MAPKAP1: variants seen among roughly 807,000 people sequenced by gnomAD.
MAPKAP1 encodes the protein MAPK associated protein 1, also known as target of rapamycin complex 2 subunit MAPKAP1.
MAPKAP1 carries 20 observed loss-of-function variants against 65.7 expected under a neutral mutation model. The observed-to-expected ratio is 0.30, with a 90% CI of 0.21 to 0.44. The LOEUF (loss-of-function observed/expected upper bound fraction) is 0.44. MAPKAP1 is among the 20% of genes least tolerant of loss of function. The pLI, the probability that MAPKAP1 is intolerant of heterozygous loss-of-function variation, is 1.00. For missense variants in MAPKAP1, 423 were observed against 648.0 expected (o/e 0.65, Z 3.77); for synonymous variants, 222 against 244.3 (o/e 0.91, Z 0.85).
intron 9 of MAPKAP1, among the ~76,000 whole-genome samples, chr9:125,476,366 G>A (rs1253544033): frequency 2.6e-5 from 4 of 152,058 alleles, no homozygotes; most frequent in Admixed American, 1.3e-4. Flanking sequence ...ATTACTGAAC[G>A]GACCCAGGGA....
chr9:125,518,404 T>A (rs748597167), intron 7 of MAPKAP1, among the ~76,000 whole-genome samples: 1 of 152,062 alleles, frequency 6.6e-6, no homozygotes, highest in Non-Finnish European at 1.5e-5. Flanking sequence ...ACATCTGTAA[T>A]CCCACATTAC....
In MAPKAP1 at chr9:125,595,677, C is replaced by CA; in HGVS notation, c.499-9951dup. 2.6e-6 allele frequency: 4 copies of CA among 1,533,192 alleles called. No homozygotes were observed. The highest frequency in any genetic ancestry group is 3.5e-6 in the Non-Finnish European group (4 of 1,146,376). 95.0% of individuals were successfully genotyped at this position (1,533,192 alleles called of 1,614,324 possible). ...CTCTCTTCTCCCTGCCGTCCTAAGT[C>CA]AGAGTCTCCTAAAGAGCCGGAACAG... On this transcript the variant is annotated intron_variant, in intron 4 of 11. Coordinates refer to ENST00000265960, the MANE Select transcript of MAPKAP1 (RefSeq NM_001006617.3). The surrounding 1 kb of genome is among the most constrained non-coding windows in gnomAD (Gnocchi z 4.0).
intron 1 of MAPKAP1, among the ~76,000 whole-genome samples, chr9:125,690,999 C>T (rs1254301674): frequency 1.3e-5 from 2 of 152,160 alleles, no homozygotes; most frequent in Non-Finnish European, 2.9e-5. Flanking sequence ...CAGTGGCTCA[C>T]GCCTGTAATC....
intron 4 of MAPKAP1, among the ~76,000 whole-genome samples, chr9:125,628,662 T>C (rs1833182695): frequency 2.0e-5 from 3 of 152,124 alleles, no homozygotes; most frequent in African/African-American, 7.2e-5. Context: ...GATGTAACAA[T>C]GATTTCTTGG....
intron 7 of MAPKAP1, among the ~76,000 whole-genome samples, chr9:125,541,766 T>G (rs1449690327): frequency 6.6e-6 from 1 of 152,212 alleles, no homozygotes; most frequent in Non-Finnish European, 1.5e-5. Flanking sequence ...TCATTATGAG[T>G]GATGATGGAT....
intron 4 of MAPKAP1, among the ~76,000 whole-genome samples, chr9:125,629,054 A>AACACACACACACACACACACAC (rs71374284): frequency 4.7e-5 from 7 of 147,374 alleles, no homozygotes; most frequent in African/African-American, 1.8e-4. Flanking sequence ...TCACTGTCAA[A>AACACACACACACACACACACAC]ACACACACAC....
chr9:125,600,194 A>G (rs927264898), intron 4 of MAPKAP1, among the ~76,000 whole-genome samples: 44 of 152,054 alleles, frequency 2.9e-4, no homozygotes, highest in African/African-American at 8.0e-4. Context: ...GACATTTCAT[A>G]AAACATGGGG....
chr9:125,671,603 C>T (rs1304293127), intron 2 of MAPKAP1, among the ~76,000 whole-genome samples: 1 of 151,954 alleles, frequency 6.6e-6, no homozygotes, highest in African/African-American at 2.4e-5. Flanking sequence ...AAAAAAAAGT[C>T]CTTGGTTCAT....
intron 4 of MAPKAP1, among the ~76,000 whole-genome samples, chr9:125,610,925 G>C (rs1832583608): frequency 1.3e-5 from 2 of 152,110 alleles, no homozygotes; most frequent in Admixed American, 6.5e-5. Flanking sequence ...AAACATAGAA[G>C]GCATCATGAA....
chr9:125,657,530 T>A, intron 4 of MAPKAP1, 121 bp downstream of exon 4: 1 of 901,542 alleles, frequency 1.1e-6, no homozygotes. Context: ...AGTGACATTC[T>A]ATAACTGTCA....
intron 1 of MAPKAP1, among the ~76,000 whole-genome samples, chr9:125,698,300 T>TATATAAA (rs1835474574): frequency 3.7e-4 from 6 of 16,150 alleles, no homozygotes; most frequent in African/African-American, 9.4e-4. Flanking sequence ...TATATATATA[T>TATATAAA]ATATATATAT....
intron 6 of MAPKAP1, among the ~76,000 whole-genome samples, chr9:125,547,679 A>T (rs557585732): frequency 6.6e-6 from 1 of 152,224 alleles, no homozygotes; most frequent in Non-Finnish European, 1.5e-5. Context: ...CTCAAAACTC[A>T]CTGCCTGTCA....
At chr9:125,440,823 G>A (rs1852453942) in intron 11 of MAPKAP1, among the ~76,000 whole-genome samples, 1 of 152,184 alleles carries the variant, frequency 6.6e-6, no homozygotes, top group Non-Finnish European at 1.5e-5. Flanking sequence ...GAAATAAGAG[G>A]TTTTATCATT....
At chr9:125,548,212 A>G (rs751794238) in intron 6 of MAPKAP1, among the ~76,000 whole-genome samples, 9 of 152,230 alleles carry the variant, frequency 5.9e-5, no homozygotes, top group Non-Finnish European at 8.8e-5. Context: ...GAAATCAACA[A>G]TGTGGTCCCT....
At chr9:125,553,808 C>G (rs573829) in intron 6 of MAPKAP1, among the ~76,000 whole-genome samples, 150,077 of 152,250 alleles carry the variant, frequency 0.99, 74,001 homozygotes, top group Middle Eastern at 1. Flanking sequence ...AAGCTGAGGT[C>G]AGCAGATCAC....
intron 1 of MAPKAP1, among the ~76,000 whole-genome samples, chr9:125,702,271 A>T (rs1244787752): frequency 1.3e-5 from 2 of 152,286 alleles, no homozygotes; most frequent in Non-Finnish European, 2.9e-5. Flanking sequence ...GCAGTGGCTC[A>T]CGCCTGTAGT....
chr9:125,602,226 C>T (rs1832319005), intron 4 of MAPKAP1, among the ~76,000 whole-genome samples: 1 of 152,150 alleles, frequency 6.6e-6, no homozygotes, highest in African/African-American at 2.4e-5. Flanking sequence ...GCGCTCCAGC[C>T]TGGGCAGCAG....
chr9:125,634,922 A>C (rs1026275026), intron 4 of MAPKAP1, among the ~76,000 whole-genome samples: 8 of 152,134 alleles, frequency 5.3e-5, no homozygotes, highest in Non-Finnish European at 1.0e-4. Flanking sequence ...ACAACAAGGA[A>C]AGAACAGAAG....
intron 1 of MAPKAP1, among the ~76,000 whole-genome samples, chr9:125,677,099 G>GA (rs1227502125): frequency 6.6e-6 from 1 of 152,176 alleles, no homozygotes; most frequent in Non-Finnish European, 1.5e-5. Flanking sequence ...TTCAGGCCTT[G>GA]AATGCCTTCC....
Sources: gnomAD v4.1 joint callset for allele counts (sites outside exome capture counted in the v4.1 genomes callset) on GRCh38, gnomAD v4.1.1 for gene constraint, Gnocchi (gnomAD v3.1) non-coding constraint, MANE v1.5 for transcripts, NCBI Gene and HGNC (gene_info 2026-07-23, HGNC 2026-07-21) for gene names.